The following XPNPEP3 variants were observed in gnomAD, a reference collection of about 807,000 sequenced individuals.
XPNPEP3 encodes the protein X-prolyl aminopeptidase 3, also known as xaa-Pro aminopeptidase 3.
XPNPEP3 carries 41 observed loss-of-function variants against 60.0 expected under a neutral mutation model. That is an observed-to-expected ratio of 0.68 (90% CI 0.53 to 0.89). XPNPEP3 has a LOEUF of 0.89. Ranked by LOEUF, XPNPEP3 falls within the 40% of genes least tolerant of loss-of-function variation. XPNPEP3 has a pLI of 0.00. For missense variants in XPNPEP3, 598 were observed against 638.9 expected (o/e 0.94, Z 0.69); for synonymous variants, 212 against 223.2 (o/e 0.95, Z 0.45).
intron 2 of XPNPEP3, among the ~76,000 whole-genome samples, chr22:40,872,543 C>T (rs559506703): frequency 4.6e-5 from 7 of 152,056 alleles, no homozygotes; most frequent in African/African-American, 1.4e-4. Context: ...CTCTGCCTCC[C>T]GGGTTAAAGC....
chr22:40,870,495 C>CGTGG (rs1407345153), intron 2 of XPNPEP3, among the ~76,000 whole-genome samples: 15 of 151,918 alleles, frequency 9.9e-5, no homozygotes, highest in Non-Finnish European at 7.4e-5. Flanking sequence ...CTCTCCTAGA[C>CGTGG]GTGGGATTTT....
intron 5 of XPNPEP3, among the ~76,000 whole-genome samples, chr22:40,908,326 C>T (rs956812337): frequency 2.0e-5 from 3 of 151,994 alleles, no homozygotes; most frequent in African/African-American, 7.3e-5. Context: ...TTGAGACCAG[C>T]CTGGGCAACA....
intron 3 of XPNPEP3, among the ~76,000 whole-genome samples, chr22:40,882,417 C>T (rs939642387): frequency 6.6e-6 from 1 of 152,122 alleles, no homozygotes; most frequent in Non-Finnish European, 1.5e-5. Context: ...CAGACAGGTT[C>T]CTTGTGGCCA....
intron 1 of XPNPEP3, chr22:40,861,048 A>C (rs753763743): frequency 6.4e-7 from 1 of 1,559,490 alleles, no homozygotes; most frequent in Non-Finnish European, 8.6e-7. Context: ...CAAATGTTAT[A>C]TATTTGAAGA....
chr22:40,866,879 C>G (rs2057981029), intron 1 of XPNPEP3, among the ~76,000 whole-genome samples: 2 of 152,056 alleles, frequency 1.3e-5, no homozygotes, highest in African/African-American at 2.4e-5. Flanking sequence ...CCAAAATATG[C>G]TAGGATTATT....
At chr22:40,861,325 CAAGAAAAAATGTCA>C in intron 1 of XPNPEP3, 3 of 1,614,110 alleles carry the variant, frequency 1.9e-6, no homozygotes, top group Non-Finnish European at 2.5e-6. Flanking sequence ...ACACTATTTA[CAAGAAAAAATGTCA>C]ACTCTCCATT....
chr22:40,899,328 C>CA (rs1348163046), intron 4 of XPNPEP3, among the ~76,000 whole-genome samples: 1 of 152,150 alleles, frequency 6.6e-6, no homozygotes, highest in African/African-American at 2.4e-5. Context: ...GCACTGAAGG[C>CA]ACTAACCAAA....
intron 1 of XPNPEP3, chr22:40,860,618 A>T: frequency 7.7e-7 from 1 of 1,296,140 alleles, no homozygotes; most frequent in Non-Finnish European, 1.0e-6. Flanking sequence ...CTAAAGAAAA[A>T]TTCAAAAGTA....
chr22:40,914,249 T>G lies in XPNPEP3; in HGVS notation c.980T>G (p.Met327Arg). Residue 327 changes from methionine (M) to arginine (R), a missense_variant, in exon 7 of 10, where the codon ATG becomes AGG. By Grantham distance (91) the Met-to-Arg change is moderately conservative. Transcript: ENST00000357137. ...KNNQLIKDGEMVLLDGGCESS... is the reference protein window; with the variant it reads ...KNNQLIKDGERVLLDGGCESS... Reference sequence around the variant, plus strand: ...CTTACTTTGTTCCAGGATGGGGAAATGGTGCTTCTGGATGGAGGTTGTGAG... The same window carrying G: ...CTTACTTTGTTCCAGGATGGGGAAAGGGTGCTTCTGGATGGAGGTTGTGAG... 6 of 1,613,862 alleles carry G rather than the reference T, an allele frequency of 3.7e-6. No individual in the cohort carries two copies. Among genetic ancestry groups the G allele is most frequent in the Non-Finnish European group, 5.1e-6 (6 of 1,179,950 alleles).
Position 40,868,428 on chromosome 22 carries a change from C to CGTGTGT in XPNPEP3, c.65-550_65-545dup, listed in dbSNP as rs35513572. ...TTCATACCTTTATTATATATGTGTG[C>CGTGTGT]GTGTGTGTGTGTGTGTGTGTGTGTG... is the stretch of plus-strand genomic sequence containing the variant. On this transcript the variant is annotated intron_variant, in intron 1 of 9. Coordinates refer to ENST00000357137, the MANE Select transcript of XPNPEP3 (RefSeq NM_022098.4). 4.0e-3 allele frequency among the ~76,000 whole-genome samples: 577 copies of CGTGTGT among 144,752 alleles called. 2 individuals carry two copies. The highest frequency in any genetic ancestry group is 0.021 in the Middle Eastern group (6 of 282). 95.0% of individuals were successfully genotyped at this position (144,752 alleles called of 152,430 possible). A position where few individuals can be genotyped will look rare whatever the true frequency, so the allele number is the denominator to read the frequency against.
At chr22:40,892,459 A>C (rs1380563773) in intron 4 of XPNPEP3, among the ~76,000 whole-genome samples, 1 of 152,152 alleles carries the variant, frequency 6.6e-6, no homozygotes, top group African/African-American at 2.4e-5. Flanking sequence ...TGCTGGGATT[A>C]CAGGTGTGAG....
chr22:40,882,634 T>TAA (rs11394420), intron 3 of XPNPEP3, among the ~76,000 whole-genome samples: 14 of 140,800 alleles, frequency 9.9e-5, no homozygotes, highest in African/African-American at 3.1e-4. Context: ...AAGACTGTCT[T>TAA]AAAAAAAAAA....
intron 3 of XPNPEP3, among the ~76,000 whole-genome samples, chr22:40,882,879 TG>T (rs1463486075): frequency 6.6e-6 from 1 of 152,190 alleles, no homozygotes; most frequent in Non-Finnish European, 1.5e-5. Context: ...TATTCATTAA[TG>T]GAGACTGTTA....
intron 2 of XPNPEP3, among the ~76,000 whole-genome samples, chr22:40,878,331 A>T (rs1259623738): frequency 6.6e-6 from 1 of 152,194 alleles, no homozygotes; most frequent in Non-Finnish European, 1.5e-5. Flanking sequence ...GGGAAAATAT[A>T]GCCAGTGTTT....
At chr22:40,861,772 C>T in intron 1 of XPNPEP3, 13 of 1,613,420 alleles carry the variant, frequency 8.1e-6, no homozygotes, top group African/African-American at 1.3e-5. Context: ...CTTCCACCTC[C>T]GTTTAATCCT....
chr22:40,867,576 A>G (rs146157819), intron 1 of XPNPEP3, among the ~76,000 whole-genome samples: 2 of 152,248 alleles, frequency 1.3e-5, no homozygotes, highest in South Asian at 2.1e-4. Flanking sequence ...AACCTGGGCA[A>G]CATAGTGAGA....
At chr22:40,901,143 G>C (rs1448451786) in intron 4 of XPNPEP3, among the ~76,000 whole-genome samples, 1 of 151,012 alleles carries the variant, frequency 6.6e-6, no homozygotes, top group Middle Eastern at 3.4e-3. Context: ...TTGTTTAAAA[G>C]GACACTATCA....
intron 4 of XPNPEP3, among the ~76,000 whole-genome samples, chr22:40,891,868 AT>A (rs1316274624): frequency 6.6e-6 from 1 of 152,154 alleles, no homozygotes; most frequent in Non-Finnish European, 1.5e-5. Flanking sequence ...TTTAGTTAGA[AT>A]TTCCATAGAC....
At chr22:40,859,727 A>G (rs949857805) in intron 1 of XPNPEP3, 3 of 152,212 alleles carry the variant, frequency 2.0e-5, no homozygotes, top group Non-Finnish European at 4.4e-5. Flanking sequence ...AATAGCAGAT[A>G]TTATAATTTT....
Sources: gnomAD v4.1 joint callset for allele counts (sites outside exome capture counted in the v4.1 genomes callset) on GRCh38, gnomAD v4.1.1 for gene constraint, MANE v1.5 for transcripts, NCBI Gene and HGNC (gene_info 2026-07-23, HGNC 2026-07-21) for gene names.